The following MIA2 variants were observed in gnomAD, a reference collection of about 807,000 sequenced individuals.
The protein encoded by MIA2 is MIA SH3 domain ER export factor 2.
Under a neutral mutation model 167.8 loss-of-function variants are expected in MIA2, and 127 were observed. The observed-to-expected ratio is 0.76, with a 90% CI of 0.66 to 0.88. The LOEUF (loss-of-function observed/expected upper bound fraction) is 0.88, where lower values mean the gene tolerates loss of function less well. Among genes scored for constraint, MIA2 ranks in the 40% least tolerant of loss-of-function variants. MIA2 has a pLI of 0.00. For synonymous variants in MIA2, 552 were observed against 541.9 expected, an observed-to-expected ratio of 1.02 and a Z score of -0.26; for missense variants, 1,690 against 1,624.7, an observed-to-expected ratio of 1.04 and a Z score of -0.69.
At chr14:39,368,568 T>C (rs950869325) in intron 23 of MIA2, among the ~76,000 whole-genome samples, 1 of 152,202 alleles carries the variant, frequency 6.6e-6, no homozygotes, top group Non-Finnish European at 1.5e-5. Flanking sequence ...TTAAGGCACT[T>C]ACTCTGAAGA....
In MIA2 at chr14:39,247,114, A is replaced by G; in HGVS notation, c.540A>G (p.Ala180=). The part of the protein sequence containing the change: ...ESTLFEDQVP[A]LEAPEDIGST... ...CTTTGTTTGAAGACCAAGTTCCAGC[A>G]TTAGAGGCTCCTGAAGATATCGGAA... Residue 180 remains alanine, a synonymous_variant, in exon 4 of 29, where the codon GCA becomes GCG. Transcript: ENST00000640607. 6.2e-7 allele frequency: 1 copy of G among 1,610,838 alleles called. No homozygotes were observed. The highest frequency in any genetic ancestry group is 8.5e-7 in the Non-Finnish European group (1 of 1,179,284).
Position 39,347,740 on chromosome 14 carries a change from C to A in MIA2, c.3806C>A (p.Ser1269Tyr), listed in dbSNP as rs761637188. Residue 1269 changes from serine to tyrosine, a missense_variant, in exon 27 of 29, where the codon TCC becomes TAC. Ser to Tyr is a moderately radical substitution (Grantham distance 144, BLOSUM62 -2). Transcript: ENST00000640607. ...MDGSMPSEME[S>Y]SRNDTKDDLG... Reference sequence around the variant, plus strand: ...GGGTCAATGCCTTCAGAAATGGAATCCAGTAGAAATGATACCAAAGATGAT... The same window carrying A: ...GGGTCAATGCCTTCAGAAATGGAATACAGTAGAAATGATACCAAAGATGAT... 3.7e-6 allele frequency: 6 copies of A among 1,611,680 alleles called. No individual in the cohort carries two copies. The highest frequency in any genetic ancestry group is 1.1e-5 in the South Asian group (1 of 90,986).
intron 1 of MIA2, among the ~76,000 whole-genome samples, chr14:39,235,454 A>G (rs924139127): frequency 7.9e-5 from 12 of 152,202 alleles, no homozygotes; most frequent in African/African-American, 2.7e-4. Flanking sequence ...AATGTAATAT[A>G]TAGAGAAGTT....
At chr14:39,343,773 A>G (rs747436329) in intron 25 of MIA2, among the ~76,000 whole-genome samples, 4 of 152,200 alleles carry the variant, frequency 2.6e-5, no homozygotes, top group East Asian at 3.9e-4. Context: ...ACATAGCTGT[A>G]TCTTATTATG....
At chr14:39,279,027 G>C (rs1008365156) in intron 7 of MIA2, among the ~76,000 whole-genome samples, 2 of 152,032 alleles carry the variant, frequency 1.3e-5, no homozygotes, top group African/African-American at 4.8e-5. Flanking sequence ...TAGGCATGGT[G>C]GTGGGCACCT....
intron 6 of MIA2, chr14:39,269,010 T>C (rs1382935273): frequency 9.2e-6 from 9 of 982,314 alleles, no homozygotes; most frequent in Non-Finnish European, 1.1e-5. Context: ...CAGAAATACA[T>C]GGAGAAATGC....
chr14:39,313,440 A>C lies in MIA2; in HGVS notation c.3118A>C (p.Arg1040=). The part of the protein sequence containing the change: ...SHATEELETY[R]KRAKDLEEEL... ...TGCCACTGAAGAGCTGGAGACCTAT[A>C]GGTATTAAATACATTTTTCTGGTTT... The change falls in exon 19 of 29, where the codon AGA becomes CGA. Residue 1040 remains arginine, a splice_region_variant and synonymous_variant. Coordinates refer to ENST00000640607, the MANE Select transcript of MIA2 (RefSeq NM_001329214.4). 1 of 1,562,138 alleles carries C rather than the reference A, an allele frequency of 6.4e-7. No homozygotes were observed. Among genetic ancestry groups the C allele is most frequent in the Non-Finnish European group, 8.7e-7 (1 of 1,149,454 alleles).
chr14:39,334,923 A>C (rs1454575312), intron 25 of MIA2, among the ~76,000 whole-genome samples: 1 of 152,046 alleles, frequency 6.6e-6, no homozygotes. Flanking sequence ...TTGAGCAATA[A>C]ATTTTACCTG....
chr14:39,263,024 T>C lies in MIA2; in HGVS notation c.1887+9853T>C, dbSNP rs564560001. 4.6e-5 allele frequency among the ~76,000 whole-genome samples: 7 copies of C among 152,320 alleles called. No homozygotes were observed. The South Asian group carries it at 1.4e-3, about 32-fold the overall frequency. ...CCCTTTATTTCCTTCTCTTGCCTGA[T>C]TGCCCTAGCCAGAACTTCGAACACT... On this transcript the variant is annotated intron_variant, in intron 6 of 28. Transcript: ENST00000640607.
At chr14:39,252,717 GA>G (rs879037891) in intron 4 of MIA2, 30 bp from the exon 5 acceptor site, 1 of 1,548,542 alleles carries the variant, frequency 6.5e-7, no homozygotes, top group South Asian at 1.2e-5. Context: ...AAGTATTTTG[GA>G]AAAACACATT....
Position 39,247,251 on chromosome 14 carries a change from G to A in MIA2, c.677G>A (p.Trp226Ter). Reference sequence around the variant, plus strand: ...TCAGCTGTGTCTGGAGTCAAAGAATGGTTTGGATTGGGAGGAGAACAAGCT... The same window carrying A: ...TCAGCTGTGTCTGGAGTCAAAGAATAGTTTGGATTGGGAGGAGAACAAGCT... ...PSSAVSGVKEWFGLGGEQAEE... is the reference protein window; with the variant it reads ...PSSAVSGVKE The change falls in exon 4 of 29, where the codon TGG (tryptophan) becomes TAG (stop). Residue 226 changes from tryptophan to a stop codon, truncating the protein, a stop_gained. Transcript: ENST00000640607. LOFTEE classifies it high-confidence loss of function. The A allele has an allele frequency of 1.2e-6, 2 of 1,614,040 alleles. No homozygotes were observed. The highest frequency in any genetic ancestry group is 1.7e-6 in the Non-Finnish European group (2 of 1,180,008).
At chr14:39,275,373 T>C (rs1343592142) in intron 6 of MIA2, among the ~76,000 whole-genome samples, 1 of 152,204 alleles carries the variant, frequency 6.6e-6, no homozygotes, top group Non-Finnish European at 1.5e-5. Context: ...ACTCCTGGCC[T>C]CATGTGATCC....
rs868684846 is a variant in MIA2 at position 39,295,101 on chromosome 14, A to G, written c.2496+72A>G. ...GATGTTCTTGTCATCCTCATGACTGACCCATGCTAGGGACAAGTATAGGCT... is the reference window on the plus strand; with the variant it reads ...GATGTTCTTGTCATCCTCATGACTGGCCCATGCTAGGGACAAGTATAGGCT... On this transcript the variant is annotated intron_variant, in intron 13 of 28. Coordinates refer to ENST00000640607, the MANE Select transcript of MIA2 (RefSeq NM_001329214.4). 3 of 1,051,612 alleles carry G rather than the reference A, an allele frequency of 2.9e-6. No individual in the cohort carries two copies. In the Middle Eastern group the frequency reaches 6.0e-4, roughly 211 times the overall value. The allele number at this position is 1,051,612 out of a possible 1,614,324, so 65.1% of individuals were successfully genotyped here.
intron 23 of MIA2, chr14:39,386,824 A>G: frequency 1.1e-6 from 1 of 951,714 alleles, no homozygotes; most frequent in South Asian, 1.3e-5. Flanking sequence ...ATGACCATAG[A>G]ATTCTCAGCA....
At chr14:39,356,818 T>G (rs2074540727) in intron 23 of MIA2, among the ~76,000 whole-genome samples, 1 of 152,242 alleles carries the variant, frequency 6.6e-6, no homozygotes, top group Non-Finnish European at 1.5e-5. Flanking sequence ...TACCCAGTAG[T>G]CATTCAGGAG....
chr14:39,351,375 C>G (rs1279541048), downstream of MIA2: 25 of 99,912 alleles, frequency 2.5e-4, no homozygotes, highest in African/African-American at 1.0e-3. Context: ...CTAACCCTCA[C>G]CTCAAAAAAA....
chr14:39,349,898 A>G (rs1415341949), intron 28 of MIA2, among the ~76,000 whole-genome samples, 200 bp from the exon 29 acceptor site: 1 of 152,206 alleles, frequency 6.6e-6, no homozygotes, highest in African/African-American at 2.4e-5. Flanking sequence ...ATAAAAATTA[A>G]TGATATTTCC....
intron 23 of MIA2, among the ~76,000 whole-genome samples, chr14:39,368,031 CT>C (rs992689612): frequency 1.3e-5 from 2 of 152,072 alleles, no homozygotes; most frequent in Non-Finnish European, 2.9e-5. Context: ...TGGAAACTTG[CT>C]TTTTTCCCCC....
chr14:39,327,661 C>T (rs1372452342), intron 25 of MIA2, among the ~76,000 whole-genome samples: 1 of 152,050 alleles, frequency 6.6e-6, no homozygotes, highest in African/African-American at 2.4e-5. Flanking sequence ...ATGTTCCCCT[C>T]CCTGTGCCCA....
Sources: allele counts gnomAD v4.1 joint callset (sites outside exome capture counted in the v4.1 genomes callset), GRCh38; gene constraint gnomAD v4.1.1; transcripts MANE v1.5; gene names NCBI Gene and HGNC (gene_info 2026-07-23, HGNC 2026-07-21).